Variants in NHS observed in about 807,000 individuals in gnomAD.
NHS encodes the protein actin remodeling regulator NHS.
A neutral mutation model predicts 72.5 loss-of-function variants in NHS; 5 were observed. The observed-to-expected ratio is 0.07, with a 90% CI of 0.04 to 0.14. The LOEUF (loss-of-function observed/expected upper bound fraction) is 0.14. NHS is among the 10% of genes least tolerant of loss of function. NHS has a pLI of 1.00. For missense variants in NHS, 1,072 were observed against 1,355.7 expected (o/e 0.79, Z 3.29); for synonymous variants, 464 against 547.7 (o/e 0.85, Z 2.13).
intron 1 of NHS, among the ~76,000 whole-genome samples, chrX:17,682,383 C>G (rs749782817): frequency 1.8e-5 from 2 of 111,509 alleles, no homozygotes; most frequent in Admixed American, 1.9e-4. Context: ...TGCCAACACA[C>G]TCCTCCCTGT....
At chrX:17,590,692 G>C (rs1161449532) in intron 1 of NHS, among the ~76,000 whole-genome samples, 4 of 111,534 alleles carry the variant, frequency 3.6e-5, no homozygotes, top group Non-Finnish European at 7.5e-5. Flanking sequence ...GTCTTGCATT[G>C]TGCATGTAAT....
At chrX:17,484,966 G>C (rs73189140) in intron 1 of NHS, among the ~76,000 whole-genome samples, 6,142 of 111,626 alleles carry the variant, frequency 0.055, 145 homozygotes, top group Non-Finnish European at 0.085. Flanking sequence ...AGCAGCATTA[G>C]ATTGGAGTGA....
rs778983382 is a variant in NHS at position 17,375,238 on chromosome X, G to C, written c.-520G>C. On this transcript the variant is annotated 5_prime_UTR_variant, in exon 1 of 9. Coordinates refer to ENST00000676302, the MANE Select transcript of NHS (RefSeq NM_001291867.2). ...GAAACCTCCTCCCCGCCCAGCCAGGGAGAGAGATCCCGGGCGCAATCGCTC... is the reference window on the plus strand; with the variant it reads ...GAAACCTCCTCCCCGCCCAGCCAGGCAGAGAGATCCCGGGCGCAATCGCTC... 1.5e-4 allele frequency among the ~76,000 whole-genome samples: 17 copies of C among 112,172 alleles called. No individual in the cohort carries two copies. Among genetic ancestry groups the C allele is most frequent in the African/African-American group, 5.2e-4 (16 of 30,915 alleles).
chrX:17,594,241 G>C (rs779021900), intron 1 of NHS, among the ~76,000 whole-genome samples: 1 of 112,251 alleles, frequency 8.9e-6, no homozygotes, highest in Non-Finnish European at 1.9e-5. Context: ...TGCAATGTAA[G>C]CATTCCTATA....
At chrX:17,662,663 G>A (rs558340037) in intron 1 of NHS, among the ~76,000 whole-genome samples, 63 of 111,623 alleles carry the variant, frequency 5.6e-4, no homozygotes, top group African/African-American at 1.5e-3. Context: ...TTCCAATAGC[G>A]TCTGATAATG....
At chrX:17,389,830 G>A (rs113452410) in intron 1 of NHS, among the ~76,000 whole-genome samples, 5 of 110,313 alleles carry the variant, frequency 4.5e-5, no homozygotes, top group Non-Finnish European at 9.5e-5. Context: ...TCGAACTCCT[G>A]ACCTCAAGTG....
chrX:17,430,075 T>TTTCCTTCCTTCC lies in NHS; in HGVS notation c.565+53784_565+53795dup, dbSNP rs749084714. Among the ~76,000 whole-genome samples the TTTCCTTCCTTCC allele has an allele frequency of 3.0e-3, 290 of 96,179 alleles. 3 individuals carry two copies. The highest frequency in any genetic ancestry group is 0.012 in the African/African-American group (264 of 22,156). The allele number at this position is 96,179 out of a possible 115,157, so 83.5% of individuals were successfully genotyped here. A position where few individuals can be genotyped will look rare whatever the true frequency, so the allele number is the denominator to read the frequency against. ...CTCAGATTCAGATTATGCACATATT[T>TTTCCTTCCTTCC]TTCCTTCCTTCCTTCCTTCCTTCCT... On this transcript the variant is annotated intron_variant, in intron 1 of 8. Coordinates refer to ENST00000676302, the MANE Select transcript of NHS (RefSeq NM_001291867.2).
intron 1 of NHS, among the ~76,000 whole-genome samples, chrX:17,558,937 C>A (rs1427777957): frequency 8.9e-6 from 1 of 112,669 alleles, no homozygotes; most frequent in African/African-American, 3.2e-5. Context: ...TTTTTACATT[C>A]ATATACACAT....
intron 1 of NHS, among the ~76,000 whole-genome samples, chrX:17,509,208 T>C (rs1362322272): frequency 6.8e-5 from 2 of 29,389 alleles, no homozygotes; most frequent in Non-Finnish European, 2.0e-4. Context: ...TTACAAGTAA[T>C]TTATTTATTT....
intron 1 of NHS, among the ~76,000 whole-genome samples, chrX:17,490,534 A>G (rs2064986222): frequency 8.9e-6 from 1 of 112,227 alleles, no homozygotes; most frequent in African/African-American, 3.2e-5. Context: ...GTAGCCTTGT[A>G]GTATAGTTTG....
At chrX:17,578,131 G>A (rs2065521392) in intron 1 of NHS, among the ~76,000 whole-genome samples, 1 of 112,000 alleles carries the variant, frequency 8.9e-6, no homozygotes. Flanking sequence ...GCTCTTGAAG[G>A]GTGTACACAA....
At chrX:17,574,036 C>T (rs774185666) in intron 1 of NHS, among the ~76,000 whole-genome samples, 2 of 111,389 alleles carry the variant, frequency 1.8e-5, no homozygotes, top group South Asian at 3.8e-4. Context: ...TACTGCTGCC[C>T]GATCCTTCCT....
intron 1 of NHS, among the ~76,000 whole-genome samples, chrX:17,394,705 T>C (rs371136684): frequency 1.8e-5 from 2 of 111,548 alleles, no homozygotes; most frequent in East Asian, 5.7e-4. Context: ...GCCTACACTT[T>C]GTTTTCCTTC....
At chrX:17,591,320 C>T (rs1433434876) in intron 1 of NHS, among the ~76,000 whole-genome samples, 2 of 111,554 alleles carry the variant, frequency 1.8e-5, no homozygotes, top group Admixed American at 9.5e-5. Flanking sequence ...AATAGGCACC[C>T]CTGGTTGGAT....
At chrX:17,447,785 GCACACACACA>G (rs58710651) in intron 1 of NHS, among the ~76,000 whole-genome samples, 6 of 89,668 alleles carry the variant, frequency 6.7e-5, no homozygotes, top group South Asian at 5.7e-4. Context: ...ACACACACAC[GCACACACACA>G]CACACACACA....
Position 17,677,787 on chromosome X carries a change from G to A in NHS, c.566-9955G>A, listed in dbSNP as rs767865107. 1.3e-4 allele frequency among the ~76,000 whole-genome samples: 15 copies of A among 111,672 alleles called. No homozygotes were observed. The South Asian group carries it at 5.3e-3, about 40-fold the overall frequency. ...ACAGCTGTTAATAAGTATTGAGGTT[G>A]ATTCACAAAGGAAAATTCTTTCATT... is the stretch of plus-strand genomic sequence containing the variant. On this transcript the variant is annotated intron_variant, in intron 1 of 8. Transcript: ENST00000676302.
chrX:17,505,617 C>T lies in NHS; in HGVS notation c.565+129295C>T, dbSNP rs114376368. Among the ~76,000 whole-genome samples, 878 of 106,831 alleles carry T rather than the reference C, an allele frequency of 8.2e-3. 6 individuals carry two copies. The highest frequency in any genetic ancestry group is 0.03 in the African/African-American group (844 of 28,539). 92.8% of individuals were successfully genotyped at this position (106,831 alleles called of 115,157 possible). On this transcript the variant is annotated intron_variant, in intron 1 of 8. Transcript: ENST00000676302. ...TAATCTGCATAATGAATAGTGACAC[C>T]GGGATCAGTGTTTTTTTTTTTTTTC...
At chrX:17,471,515 A>G (rs2064892450) in intron 1 of NHS, among the ~76,000 whole-genome samples, 2 of 112,795 alleles carry the variant, frequency 1.8e-5, no homozygotes, top group Non-Finnish European at 3.7e-5. Context: ...AAACATTTCA[A>G]TTGGTATGGA....
intron 1 of NHS, among the ~76,000 whole-genome samples, chrX:17,671,929 C>T (rs1285088055): frequency 8.9e-6 from 1 of 112,043 alleles, no homozygotes; most frequent in African/African-American, 3.2e-5. Flanking sequence ...CTGGTAAGAG[C>T]TGGTAAGATA....
Sources: allele counts gnomAD v4.1 joint callset (sites outside exome capture counted in the v4.1 genomes callset), GRCh38; gene constraint gnomAD v4.1.1; transcripts MANE v1.5; gene names NCBI Gene and HGNC (gene_info 2026-07-23, HGNC 2026-07-21).